GOLGA4: variants seen among roughly 807,000 people sequenced by gnomAD.
The protein encoded by GOLGA4 is golgin subfamily A member 4.
Under a neutral mutation model 265.9 loss-of-function variants are expected in GOLGA4, and 169 were observed. The ratio of observed to expected loss-of-function variants is 0.64; its 90% CI spans 0.56 to 0.72. The LOEUF is 0.72. Ranked by LOEUF, GOLGA4 falls within the 30% of genes least tolerant of loss-of-function variation. The pLI, the probability that GOLGA4 is intolerant of heterozygous loss-of-function variation, is 0.00. For missense variants in GOLGA4, 2,482 were observed against 2,483.4 expected (o/e 1.00, Z 0.01); for synonymous variants, 923 against 855.8 (o/e 1.08, Z -1.37).
At chr3:37,257,490 G>A (rs1485088409) in intron 2 of GOLGA4, among the ~76,000 whole-genome samples, 7 of 151,992 alleles carry the variant, frequency 4.6e-5, no homozygotes, top group African/African-American at 1.7e-4. Context: ...AAGTTTTGGG[G>A]ATTACCAGTA....
chr3:37,288,250 C>T (rs957830102), intron 4 of GOLGA4, among the ~76,000 whole-genome samples: 2 of 146,272 alleles, frequency 1.4e-5, no homozygotes, highest in South Asian at 4.5e-4. Flanking sequence ...TACAGGCACG[C>T]ATCACCATGC....
intron 10 of GOLGA4, among the ~76,000 whole-genome samples, chr3:37,309,679 T>C (rs2096917892): frequency 6.6e-6 from 1 of 152,258 alleles, no homozygotes. Context: ...GTGTGAAGAA[T>C]GGCCTTGTTT....
chr3:37,328,358 G>T, intron 14 of GOLGA4, 58 bp from the exon 15 acceptor site: 1 of 1,562,734 alleles, frequency 6.4e-7, no homozygotes, highest in Non-Finnish European at 8.7e-7. Context: ...AGACCAGGTA[G>T]CTCCTTGCAG....
intron 21 of GOLGA4, among the ~76,000 whole-genome samples, chr3:37,349,940 TTAAG>T (rs2097068671): frequency 6.6e-6 from 1 of 152,122 alleles, no homozygotes; most frequent in Admixed American, 6.6e-5. Flanking sequence ...TAGTATGGAG[TTAAG>T]TAAGTTCCCT....
At chr3:37,278,240 C>T (rs568948172) in intron 2 of GOLGA4, among the ~76,000 whole-genome samples, 1 of 149,388 alleles carries the variant, frequency 6.7e-6, no homozygotes, top group Non-Finnish European at 1.5e-5. Flanking sequence ...GCTCTTTTTG[C>T]CCAGGCTGGA....
intron 2 of GOLGA4, among the ~76,000 whole-genome samples, chr3:37,255,779 G>T (rs1053479571): frequency 6.7e-6 from 1 of 149,824 alleles, no homozygotes; most frequent in South Asian, 2.1e-4. Flanking sequence ...TTGAGACAGG[G>T]TCTCACTCTG....
At position 37,282,114 on chromosome 3, in the gene GOLGA4, C is replaced by T; in HGVS notation, c.319C>T (p.Leu107=). The change falls in exon 3 of 24, where the codon CTG becomes TTG. Residue 107 remains leucine (L), a synonymous_variant. Coordinates refer to ENST00000361924, the MANE Select transcript of GOLGA4 (RefSeq NM_002078.5). The part of the protein sequence containing the change: ...SSRESLNRLD[L]DSSTASFDPP... ...CAGAGAATCCCTGAATCGACTTGAC[C>T]TGGACAGTTCTACTGCCAGTTTTGA... 1 of 1,614,166 alleles carries T rather than the reference C, an allele frequency of 6.2e-7. No homozygotes were observed. Among genetic ancestry groups the T allele is most frequent in the Non-Finnish European group, 8.5e-7 (1 of 1,179,996 alleles).
intron 10 of GOLGA4, among the ~76,000 whole-genome samples, chr3:37,303,871 G>A (rs2096899552): frequency 6.6e-6 from 1 of 152,132 alleles, no homozygotes; most frequent in Admixed American, 6.5e-5. Flanking sequence ...GGCTTTGCTT[G>A]TATTTACTTG....
rs889180429 is a variant in GOLGA4 at position 37,366,830 on chromosome 3, G to C, written c.*784G>C. On this transcript the variant is annotated 3_prime_UTR_variant, in exon 24 of 24. Transcript: ENST00000361924. The stretch of plus-strand genomic sequence containing the variant: ...TGCATATTCTATTTGGATGAATTTA[G>C]TGAGGAATTATTTGTCAATATAACT... The C allele has an allele frequency of 6.6e-6, 1 of 152,124 alleles. No homozygotes were observed. Among genetic ancestry groups the C allele is most frequent in the Non-Finnish European group, 1.5e-5 (1 of 68,024 alleles). The allele number at this position is 152,124 out of a possible 1,614,324, so 9.4% of individuals were successfully genotyped here.
chr3:37,295,328 C>G (rs774357303), intron 6 of GOLGA4, among the ~76,000 whole-genome samples: 23 of 152,296 alleles, frequency 1.5e-4, no homozygotes, highest in Admixed American at 9.8e-4. Context: ...TAGCAATCCT[C>G]CAGCCTCTGC....
At chr3:37,337,192 T>TC in intron 18 of GOLGA4, 29 bp downstream of exon 18, 1 of 1,183,844 alleles carries the variant, frequency 8.4e-7, no homozygotes, top group Non-Finnish European at 1.2e-6. Flanking sequence ...TTTTTTTTTT[T>TC]CTTTTTTTTC....
intron 16 of GOLGA4, among the ~76,000 whole-genome samples, chr3:37,331,320 GC>G (rs1405420041): frequency 6.6e-6 from 1 of 152,128 alleles, no homozygotes; most frequent in Non-Finnish European, 1.5e-5. Flanking sequence ...GCTAGTGCCT[GC>G]TGTATTGAAT....
chr3:37,252,916 T>C (rs2096737972), intron 2 of GOLGA4, among the ~76,000 whole-genome samples: 1 of 152,156 alleles, frequency 6.6e-6, no homozygotes, highest in Non-Finnish European at 1.5e-5. Flanking sequence ...ACTCAGTGGC[T>C]TGCCATTCAT....
rs59749831 is a variant in GOLGA4 at position 37,343,465 on chromosome 3, C to A, written c.6472+3266C>A. 2.0e-4 allele frequency among the ~76,000 whole-genome samples: 31 copies of A among 152,206 alleles called. No homozygotes were observed. In the East Asian group the frequency reaches 5.6e-3, roughly 28 times the overall value. ...CTCCTGAACTCAGGTATCTGCCCAC[C>A]TCGGCCTCCCAAAGTGCTGGGATTA... On this transcript the variant is annotated intron_variant, in intron 20 of 23. Coordinates refer to ENST00000361924, the MANE Select transcript of GOLGA4 (RefSeq NM_002078.5).
At chr3:37,266,059 A>G (rs890897947) in intron 2 of GOLGA4, among the ~76,000 whole-genome samples, 4 of 150,964 alleles carry the variant, frequency 2.6e-5, no homozygotes, top group Non-Finnish European at 5.9e-5. Context: ...TTTTAACGTT[A>G]TAATACGGTA....
intron 10 of GOLGA4, among the ~76,000 whole-genome samples, chr3:37,305,685 A>G (rs1041330724): frequency 2.0e-5 from 3 of 152,242 alleles, no homozygotes; most frequent in Non-Finnish European, 4.4e-5. Flanking sequence ...TGAAGGAAAC[A>G]TTAATATCAT....
chr3:37,314,642 AACACACACACACACACACAC>A lies in GOLGA4; in HGVS notation c.1235-757_1235-738del, dbSNP rs60890140. 2.2e-5 allele frequency among the ~76,000 whole-genome samples: 3 copies of A among 139,054 alleles called. No homozygotes were observed. The East Asian group carries it at 6.5e-4, about 30-fold the overall frequency. The allele number at this position is 139,054 out of a possible 152,430, so 91.2% of individuals were successfully genotyped here. ...GGTGACGGAGCAAGACTCCGTCTCAAACACACACACACACACACACACACACACACACACACACACGAAAA... is the reference window on the plus strand; with the variant it reads ...GGTGACGGAGCAAGACTCCGTCTCAAACACACACACACACACACACGAAAA... On this transcript the variant is annotated intron_variant, in intron 10 of 23. Coordinates refer to ENST00000361924, the MANE Select transcript of GOLGA4 (RefSeq NM_002078.5).
At chr3:37,281,873 T>C (rs1234303067) in intron 2 of GOLGA4, 85 bp from the exon 3 acceptor site, 3 of 919,626 alleles carry the variant, frequency 3.3e-6, no homozygotes, top group East Asian at 4.8e-5. Flanking sequence ...GTTAGAACTT[T>C]TATTAGATTA....
intron 2 of GOLGA4, among the ~76,000 whole-genome samples, chr3:37,273,001 C>T (rs1298235529): frequency 6.6e-6 from 1 of 151,980 alleles, no homozygotes; most frequent in Non-Finnish European, 1.5e-5. Flanking sequence ...AAATCTTTCG[C>T]GTGTGGAAGA....
Sources: gnomAD v4.1 joint callset for allele counts (sites outside exome capture counted in the v4.1 genomes callset) on GRCh38, gnomAD v4.1.1 for gene constraint, MANE v1.5 for transcripts, NCBI Gene and HGNC (gene_info 2026-07-23, HGNC 2026-07-21) for gene names.